Variants in NPR2 observed in about 807,000 individuals in gnomAD.
NPR2 encodes the protein atrial natriuretic peptide receptor 2.
In NPR2, 49 loss-of-function variants were observed where a neutral mutation model predicts 120.7. The observed-to-expected ratio is 0.41, with a 90% CI of 0.32 to 0.52. NPR2 has a LOEUF of 0.52. Ranked by LOEUF, NPR2 falls within the 20% of genes least tolerant of loss-of-function variation. NPR2 has a pLI of 0.36. For missense variants in NPR2, 931 were observed against 1,362.9 expected (o/e 0.68, Z 4.99); for synonymous variants, 484 against 519.8 (o/e 0.93, Z 0.94).
At chr9:35,797,985 G>A (rs982549827) in intron 2 of NPR2, among the ~76,000 whole-genome samples, 9 of 152,048 alleles carry the variant, frequency 5.9e-5, no homozygotes, top group East Asian at 1.9e-4. Context: ...GTGTTCTTGC[G>A]TTTTCAAAAT....
At position 35,802,798 on chromosome 9, in the gene NPR2, G is replaced by A. The variant is rs1173073949; in HGVS notation, c.1882G>A (p.Val628Ile). The A allele has an allele frequency of 6.2e-7, 1 of 1,600,048 alleles. No homozygotes were observed. The highest frequency in any genetic ancestry group is 8.6e-7 in the Non-Finnish European group (1 of 1,167,412). The stretch of plus-strand genomic sequence containing the variant: ...TCGTTATTCACTCATTAATGACCTT[G>A]TTAAGGTGAGTCTTCCCCACTCCTT... ...MFRYSLINDL[V>I]KGMAFLHNSI... Residue 628 changes from valine (V) to isoleucine (I), a missense_variant, in exon 12 of 22, where the codon GTT becomes ATT. Val to Ile is a conservative substitution (Grantham distance 29). Transcript: ENST00000342694. The surrounding 1 kb of genome is among the most constrained non-coding windows in gnomAD (Gnocchi z 4.2).
chr9:35,800,709 C>G lies in NPR2; in HGVS notation c.1219C>G (p.Pro407Ala). 2 of 1,614,174 alleles carry G rather than the reference C, an allele frequency of 1.2e-6. No individual in the cohort carries two copies. Among genetic ancestry groups the G allele is most frequent in the African/African-American group, 1.3e-5 (1 of 75,026 alleles). ...GGCCCAGCTTTTTGCTTCCTTACAG[C>G]CTGCAGCCCACTACTCGGGAGCTGA... is the stretch of plus-strand genomic sequence containing the variant. ...MGDLDSGDFQ[P>A]AAHYSGAEKQ... The change falls in exon 6 of 22, where the codon CCT (proline) becomes GCT (alanine). Residue 407 changes from proline to alanine, a missense_variant and splice_region_variant. Coordinates refer to ENST00000342694, the MANE Select transcript of NPR2 (RefSeq NM_003995.4). The surrounding 1 kb of genome is among the most constrained non-coding windows in gnomAD (Gnocchi z 4.7).
intron 2 of NPR2, among the ~76,000 whole-genome samples, chr9:35,797,959 T>C (rs1250879306): frequency 4.6e-5 from 7 of 152,038 alleles, no homozygotes; most frequent in Admixed American, 4.6e-4. Context: ...TGGACAGCTA[T>C]GGAAGGTGTG....
chr9:35,808,130 G>T lies in NPR2; in HGVS notation c.2713-379G>T, dbSNP rs774631711. ...ATGCCTGCTTTCCTCCTCTCTGACA[G>T]TTTGGGCTGTCAGGTCCATTTCACT... On this transcript the variant is annotated intron_variant, in intron 18 of 21. Coordinates refer to ENST00000342694, the MANE Select transcript of NPR2 (RefSeq NM_003995.4). This position sits in a 1 kb window ranked among gnomAD's most constrained non-coding sequence, Gnocchi z 4.0. The T allele has an allele frequency of 7.0e-7, 1 of 1,433,840 alleles. No individual in the cohort carries two copies. Among genetic ancestry groups the T allele is most frequent in the South Asian group, 1.1e-5 (1 of 87,180 alleles). 88.8% of individuals were successfully genotyped at this position (1,433,840 alleles called of 1,614,324 possible).
At position 35,802,218 on chromosome 9, in the gene NPR2, G is replaced by A. The variant is rs774161439; in HGVS notation, c.1645G>A (p.Ala549Thr). 1.9e-5 allele frequency: 30 copies of A among 1,604,360 alleles called. No homozygotes were observed. The highest frequency in any genetic ancestry group is 2.2e-5 in the East Asian group (1 of 44,854). ...CTCCCACCATCAGGGAAATGTTGTC[G>A]CCATCAAACATGTGAATAAGAAGCG... is the stretch of plus-strand genomic sequence containing the variant. ...NTGHFKGNVV[A>T]IKHVNKKRIE... The change falls in exon 10 of 22, where the codon GCC (alanine) becomes ACC (threonine). Residue 549 changes from alanine (A) to threonine (T), a missense_variant. Coordinates refer to ENST00000342694, the MANE Select transcript of NPR2 (RefSeq NM_003995.4). The surrounding 1 kb of genome is among the most constrained non-coding windows in gnomAD (Gnocchi z 4.2).
chr9:35,808,901 C>T lies in NPR2; in HGVS notation c.2986+48C>T. The T allele has an allele frequency of 8.4e-7, 1 of 1,196,212 alleles. No individual in the cohort carries two copies. The highest frequency in any genetic ancestry group is 1.3e-6 in the Non-Finnish European group (1 of 798,306). 74.1% of individuals were successfully genotyped at this position (1,196,212 alleles called of 1,614,324 possible). A position where few individuals can be genotyped will look rare whatever the true frequency, so the allele number is the denominator to read the frequency against. On this transcript the variant is annotated intron_variant, in intron 20 of 21. Coordinates refer to ENST00000342694, the MANE Select transcript of NPR2 (RefSeq NM_003995.4). The surrounding 1 kb of genome is among the most constrained non-coding windows in gnomAD (Gnocchi z 4.0). ...CACTGTTGGCCTCAATTTATCTTGC[C>T]CTTTTCTTCTTTTCATAATCCCTCC...
Position 35,806,126 on chromosome 9 carries a change from C to G in NPR2, c.2265C>G (p.Thr755=). The change falls in exon 15 of 22, where the codon ACC becomes ACG. Residue 755 remains threonine (T), a synonymous_variant. Coordinates refer to ENST00000342694, the MANE Select transcript of NPR2 (RefSeq NM_003995.4). The surrounding 1 kb of genome is among the most constrained non-coding windows in gnomAD (Gnocchi z 4.6). ...ATTTCCGGCCAAGCATTGACCGGAC[C>G]CAACTGAATGAAGAGCTAGTTTTGC... The part of the protein sequence containing the change: ...RPYFRPSIDR[T]QLNEELVLLM... 6.2e-7 allele frequency: 1 copy of G among 1,614,204 alleles called. No individual in the cohort carries two copies. Among genetic ancestry groups the G allele is most frequent in the Non-Finnish European group, 8.5e-7 (1 of 1,180,040 alleles).
At position 35,803,363 on chromosome 9, in the gene NPR2, C is replaced by T. The variant is rs1465616241; in HGVS notation, c.1887+560C>T. Among the ~76,000 whole-genome samples the T allele has an allele frequency of 4.9e-5, 4 of 82,182 alleles. 1 individual carries two copies. The highest frequency in any genetic ancestry group is 3.1e-4 in the South Asian group (1 of 3,232). The allele number at this position is 82,182 out of a possible 152,430, so 53.9% of individuals were successfully genotyped here. ...TCGTGATCCGCCCGCCTCGGCCTCC[C>T]AAAGTGCTGGGATTACAGGCGTGAG... On this transcript the variant is annotated intron_variant, in intron 12 of 21. Coordinates refer to ENST00000342694, the MANE Select transcript of NPR2 (RefSeq NM_003995.4).
intron 2 of NPR2, among the ~76,000 whole-genome samples, chr9:35,797,937 G>A (rs369706845): frequency 1.8e-4 from 27 of 152,286 alleles, no homozygotes; most frequent in African/African-American, 6.0e-4. Flanking sequence ...ATGGCATGAT[G>A]ATGTCATCAC....
chr9:35,797,144 G>T (rs371025052), intron 2 of NPR2, among the ~76,000 whole-genome samples: 48 of 152,294 alleles, frequency 3.2e-4, no homozygotes, highest in African/African-American at 1.1e-3. Context: ...CATGTAGTAG[G>T]TGTTTAACAC....
Position 35,799,630 on chromosome 9 carries a change from A to G in NPR2, c.886A>G (p.Ile296Val), listed in dbSNP as rs889615587. 13 of 1,612,854 alleles carry G rather than the reference A, an allele frequency of 8.1e-6. No individual in the cohort carries two copies. Among genetic ancestry groups the G allele is most frequent in the African/African-American group, 1.3e-5 (1 of 74,964 alleles). Residue 296 changes from isoleucine (I) to valine (V), a missense_variant, in exon 3 of 22, where the codon ATC becomes GTC. By Grantham distance (29) the Ile-to-Val change is conservative (BLOSUM62 3). Coordinates refer to ENST00000342694, the MANE Select transcript of NPR2 (RefSeq NM_003995.4). ...LREAFQTVLV[I>V]TYREPPNPEY... ...GCTGCTGGTACAGACTGTATTGGTG[A>G]TCACGTACCGAGAACCCCCAAATCC...
Position 35,808,341 on chromosome 9 carries a change from A to G in NPR2, c.2713-168A>G. ...GAAAGAAGACTTAAAGATTCCCTAG[A>G]CATCTCCTCTCCCCTAGACTCAGGA... is the stretch of plus-strand genomic sequence containing the variant. On this transcript the variant is annotated intron_variant, in intron 18 of 21. Transcript: ENST00000342694. The surrounding 1 kb of genome is among the most constrained non-coding windows in gnomAD (Gnocchi z 4.0). The G allele has an allele frequency of 6.7e-7, 1 of 1,487,346 alleles. No individual in the cohort carries two copies. The highest frequency in any genetic ancestry group is 9.4e-7 in the Non-Finnish European group (1 of 1,065,556). 92.1% of individuals were successfully genotyped at this position (1,487,346 alleles called of 1,614,324 possible). A position where few individuals can be genotyped will look rare whatever the true frequency, so the allele number is the denominator to read the frequency against.
chr9:35,799,976 G>A, intron 3 of NPR2, 46 bp from the exon 4 acceptor site: 4 of 1,612,222 alleles, frequency 2.5e-6, no homozygotes, highest in Non-Finnish European at 3.4e-6. Flanking sequence ...AGGGGAAGGG[G>A]CCTTGCAGGA....
chr9:35,807,935 G>A (rs1027682814), intron 18 of NPR2: 15 of 526,146 alleles, frequency 2.9e-5, no homozygotes, highest in Middle Eastern at 5.0e-4. Context: ...TAATAGATTC[G>A]TTGTATGGAA....
In NPR2 at chr9:35,800,985, AG is replaced by A; in HGVS notation, c.1352-84del. 1 of 1,521,414 alleles carries A rather than the reference AG, an allele frequency of 6.6e-7. No individual in the cohort carries two copies. The highest frequency in any genetic ancestry group is 2.3e-5 in the East Asian group (1 of 44,406). The allele number at this position is 1,521,414 out of a possible 1,614,324, so 94.2% of individuals were successfully genotyped here. A position where few individuals can be genotyped will look rare whatever the true frequency, so the allele number is the denominator to read the frequency against. On this transcript the variant is annotated intron_variant, in intron 6 of 21. Coordinates refer to ENST00000342694, the MANE Select transcript of NPR2 (RefSeq NM_003995.4). This position sits in a 1 kb window ranked among gnomAD's most constrained non-coding sequence, Gnocchi z 4.7. ...TCCTCATTTCTTCCTACTCCCAAGGAGTCTGTCTATGCACCTATGCACCCCG... is the reference window on the plus strand; with the variant it reads ...TCCTCATTTCTTCCTACTCCCAAGGATCTGTCTATGCACCTATGCACCCCG...
At position 35,809,476 on chromosome 9, in the gene NPR2, C is replaced by T; in HGVS notation, c.*31C>T. ...CATTCTTTCCAAGTCAGATAGTCTT[C>T]TGCTGCTGGTACCTGGGTGGGCAAT... On this transcript the variant is annotated 3_prime_UTR_variant, in exon 22 of 22. Transcript: ENST00000342694. This position sits in a 1 kb window ranked among gnomAD's most constrained non-coding sequence, Gnocchi z 4.1. 3.1e-6 allele frequency: 5 copies of T among 1,614,164 alleles called. No individual in the cohort carries two copies. Among genetic ancestry groups the T allele is most frequent in the Non-Finnish European group, 4.2e-6 (5 of 1,180,022 alleles).
rs761921881 is a variant in NPR2 at position 35,794,029 on chromosome 9, A to G, written c.799A>G (p.Thr267Ala). ...TGGGGAGAGTCTCCGTGCAGGCCCC[A>G]CACGTGCTACAGGCCGGCCCTGGCA... ...VFGESLRAGP[T>A]RATGRPWQDN... The change falls in exon 2 of 22, where the codon ACA (threonine) becomes GCA (alanine). Residue 267 changes from threonine to alanine, a missense_variant. This residue lies in a region of NPR2 where 681 missense variants were observed against 974.3 expected (regional missense o/e 0.70). Coordinates refer to ENST00000342694, the MANE Select transcript of NPR2 (RefSeq NM_003995.4). The G allele has an allele frequency of 2.2e-5, 36 of 1,614,198 alleles. No homozygotes were observed. Among genetic ancestry groups the G allele is most frequent in the Middle Eastern group, 3.3e-4 (2 of 6,062 alleles).
chr9:35,809,310 T>G lies in NPR2; in HGVS notation c.3078+63T>G. The G allele has an allele frequency of 6.2e-7, 1 of 1,610,464 alleles. No homozygotes were observed. Among genetic ancestry groups the G allele is most frequent in the Non-Finnish European group, 8.5e-7 (1 of 1,177,096 alleles). On this transcript the variant is annotated intron_variant, in intron 21 of 21. Transcript: ENST00000342694. The surrounding 1 kb of genome is among the most constrained non-coding windows in gnomAD (Gnocchi z 4.1). ...AGGGTGAAAGTGATTATGGGAATCA[T>G]AGGGAAAGAGAGGGAGACAAAGGGA...
intron 2 of NPR2, among the ~76,000 whole-genome samples, chr9:35,794,508 CA>C (rs1827888817): frequency 6.6e-6 from 1 of 152,138 alleles, no homozygotes; most frequent in Non-Finnish European, 1.5e-5. Context: ...CTGGAACAGA[CA>C]CTAAGAACTT....
Sources: allele counts gnomAD v4.1 joint callset (sites outside exome capture counted in the v4.1 genomes callset), GRCh38; gene constraint gnomAD v4.1.1; regional missense constraint gnomAD v4.1.1; non-coding constraint Gnocchi (gnomAD v3.1); transcripts MANE v1.5; gene names NCBI Gene and HGNC (gene_info 2026-07-23, HGNC 2026-07-21).